The following TUSC3 variants were observed in gnomAD, a reference collection of about 807,000 sequenced individuals.
TUSC3 encodes dolichyl-diphosphooligosaccharide--protein glycosyltransferase subunit TUSC3.
TUSC3 carries 45 observed loss-of-function variants against 44.8 expected under a neutral mutation model. The observed-to-expected ratio is 1.00, with a 90% CI of 0.79 to 1.29. The LOEUF is 1.29. TUSC3 is among the 50% of genes most tolerant of loss of function. TUSC3 has a pLI of 0.00. For synonymous variants in TUSC3, 212 were observed against 152.9 expected (o/e 1.39, Z -2.85); for missense variants, 519 against 437.9 (o/e 1.19, Z -1.65).
At chr8:15,599,722 AG>A (rs1649436391) in intron 1 of TUSC3, among the ~76,000 whole-genome samples, 1 of 148,422 alleles carries the variant, frequency 6.7e-6, no homozygotes, top group Non-Finnish European at 1.5e-5. Context: ...TTTTTGTCAA[AG>A]ATCAGTTGAT....
At chr8:15,665,401 C>T (rs1389931205) in intron 5 of TUSC3, among the ~76,000 whole-genome samples, 1 of 151,432 alleles carries the variant, frequency 6.6e-6, no homozygotes, top group African/African-American at 2.4e-5. Context: ...TACAAAAGTA[C>T]TTCCAAGGAG....
intron 1 of TUSC3, among the ~76,000 whole-genome samples, chr8:15,567,287 C>A (rs1455459472): frequency 6.6e-6 from 1 of 152,144 alleles, no homozygotes; most frequent in South Asian, 2.1e-4. Flanking sequence ...ACAAAAAGTT[C>A]TTCCTAACTT....
chr8:15,519,429 A>G (rs1177402614), intron 2 of TUSC3, among the ~76,000 whole-genome samples: 1 of 152,158 alleles, frequency 6.6e-6, no homozygotes, highest in Non-Finnish European at 1.5e-5. Context: ...AGATTAAGTC[A>G]GGGGTCCTCA....
chr8:15,788,857 G>C, the TUSC3 span, among the ~76,000 whole-genome samples: 1 of 152,108 alleles, frequency 6.6e-6, no homozygotes, highest in South Asian at 2.1e-4. Context: ...GAGGGCGAGG[G>C]GCTTGAAAGA....
At chr8:15,488,291 G>T (rs1800760607) in intron 2 of TUSC3, among the ~76,000 whole-genome samples, 1 of 151,394 alleles carries the variant, frequency 6.6e-6, no homozygotes, top group Non-Finnish European at 1.5e-5. Context: ...GAGCTCAGGA[G>T]CCCAGGACCA....
intron 1 of TUSC3, among the ~76,000 whole-genome samples, chr8:15,456,842 T>C (rs1236430946): frequency 1.3e-5 from 2 of 152,130 alleles, no homozygotes; most frequent in African/African-American, 2.4e-5. Context: ...TTTTGTTGTA[T>C]ATAGTTCAGA....
intron 3 of TUSC3, among the ~76,000 whole-genome samples, chr8:15,655,895 A>G (rs1807141181): frequency 6.6e-6 from 1 of 152,150 alleles, no homozygotes; most frequent in African/African-American, 2.4e-5. Context: ...GTTAAATCTA[A>G]ATTCTGTAGA....
At chr8:15,473,818 G>T (rs546487835) in intron 1 of TUSC3, among the ~76,000 whole-genome samples, 8 of 152,172 alleles carry the variant, frequency 5.3e-5, no homozygotes, top group Admixed American at 1.3e-4. Context: ...TACTGATAAG[G>T]GTCTGTGTTC....
intron 6 of TUSC3, among the ~76,000 whole-genome samples, chr8:15,674,334 C>G (rs1808088457): frequency 6.6e-6 from 1 of 152,024 alleles, no homozygotes; most frequent in African/African-American, 2.4e-5. Flanking sequence ...ACGTTAGTAA[C>G]TGCCACCGAA....
chr8:15,701,722 T>C (rs1040666920), intron 6 of TUSC3, among the ~76,000 whole-genome samples: 1 of 152,010 alleles, frequency 6.6e-6, no homozygotes, highest in African/African-American at 2.4e-5. Flanking sequence ...GCTGAAATGG[T>C]TTAAGGTGGG....
At chr8:15,420,083 C>A (rs149548572) in intron 1 of TUSC3, among the ~76,000 whole-genome samples, 4 of 152,092 alleles carry the variant, frequency 2.6e-5, no homozygotes, top group African/African-American at 9.7e-5. Context: ...GCCAAAAACA[C>A]TATAACAAAG....
chr8:15,503,720 C>T (rs537225625), intron 2 of TUSC3, among the ~76,000 whole-genome samples: 17 of 151,888 alleles, frequency 1.1e-4, no homozygotes, highest in African/African-American at 2.4e-4. Flanking sequence ...AAAAAAATAT[C>T]GGCCAGCCAC....
the TUSC3 span, among the ~76,000 whole-genome samples, chr8:15,776,552 C>G: frequency 6.6e-6 from 1 of 152,094 alleles, no homozygotes; most frequent in Non-Finnish European, 1.5e-5. Context: ...GCACAGCCCT[C>G]TTTAAAACTT....
intron 2 of TUSC3, among the ~76,000 whole-genome samples, chr8:15,632,501 T>C (rs1289053035): frequency 2.0e-5 from 3 of 152,140 alleles, no homozygotes; most frequent in Non-Finnish European, 4.4e-5. Flanking sequence ...CAGGGAAATT[T>C]TTTTTGCTTT....
At chr8:15,541,390 A>G (rs1801686710) in intron 1 of TUSC3, among the ~76,000 whole-genome samples, 2 of 152,198 alleles carry the variant, frequency 1.3e-5, no homozygotes, top group Non-Finnish European at 1.5e-5. Flanking sequence ...TAGGGTTTCT[A>G]ATTGTGGACC....
intron 5 of TUSC3, among the ~76,000 whole-genome samples, chr8:15,663,577 C>T (rs1027082436): frequency 1.3e-5 from 2 of 151,896 alleles, no homozygotes; most frequent in African/African-American, 4.8e-5. Context: ...CAGACAGAAC[C>T]TCTGTGGCTT....
intron 2 of TUSC3, among the ~76,000 whole-genome samples, chr8:15,505,016 T>C (rs1801034517): frequency 6.6e-6 from 1 of 152,138 alleles, no homozygotes; most frequent in Non-Finnish European, 1.5e-5. Context: ...TATCAACATC[T>C]ATTAAACATT....
chr8:15,823,873 C>G, the TUSC3 span, among the ~76,000 whole-genome samples: 4 of 152,100 alleles, frequency 2.6e-5, no homozygotes, highest in Non-Finnish European at 4.4e-5. Flanking sequence ...AAATCTCTTC[C>G]GTAAAGCATT....
chr8:15,628,537 G>C (rs1408617055), intron 2 of TUSC3, among the ~76,000 whole-genome samples: 1 of 152,072 alleles, frequency 6.6e-6, no homozygotes, highest in Non-Finnish European at 1.5e-5. Flanking sequence ...AATTTAATGG[G>C]TCAGTGTCGG....
Sources: allele counts gnomAD v4.1 joint callset (sites outside exome capture counted in the v4.1 genomes callset), GRCh38; gene constraint gnomAD v4.1.1; transcripts MANE v1.5; gene names NCBI Gene and HGNC (gene_info 2026-07-23, HGNC 2026-07-21).